The following LRGUK variants were observed in gnomAD, a reference collection of about 807,000 sequenced individuals.
LRGUK encodes the protein leucine rich repeats and guanylate kinase domain containing.
In LRGUK, 65 loss-of-function variants were observed where a neutral mutation model predicts 76.0. That is an observed-to-expected ratio of 0.85 (90% CI 0.70 to 1.05). The LOEUF (loss-of-function observed/expected upper bound fraction) is 1.05. LRGUK is among the 50% of genes least tolerant of loss of function. LRGUK has a pLI of 0.00. For synonymous variants in LRGUK, 268 were observed against 265.6 expected, an observed-to-expected ratio of 1.01 and a Z score of -0.09; for missense variants, 758 against 732.8, an observed-to-expected ratio of 1.03 and a Z score of -0.40.
chr7:134,148,098 T>C, intron 4 of LRGUK, 140 bp from the exon 5 acceptor site: 1 of 590,098 alleles, frequency 1.7e-6, no homozygotes, highest in East Asian at 3.2e-5. Context: ...GACAGATGAT[T>C]CTTTTAGCCT....
the LRGUK span, among the ~76,000 whole-genome samples, chr7:134,271,868 G>A: frequency 6.6e-6 from 1 of 151,984 alleles, no homozygotes; most frequent in Non-Finnish European, 1.5e-5. Flanking sequence ...TGTATAAAAT[G>A]CAATTCATTT....
intron 11 of LRGUK, among the ~76,000 whole-genome samples, chr7:134,188,409 G>A (rs1040254801): frequency 3.3e-5 from 5 of 152,126 alleles, no homozygotes; most frequent in Non-Finnish European, 7.4e-5. Flanking sequence ...GGGGAATGGC[G>A]TGATCACATT....
intron 2 of LRGUK, among the ~76,000 whole-genome samples, chr7:134,137,397 T>C (rs1306882135): frequency 6.6e-6 from 1 of 152,228 alleles, no homozygotes; most frequent in African/African-American, 2.4e-5. Context: ...TAGTAATCAA[T>C]GCTTTCTTTC....
chr7:134,191,226 A>G (rs1201533222), intron 11 of LRGUK, among the ~76,000 whole-genome samples: 2 of 152,164 alleles, frequency 1.3e-5, no homozygotes, highest in African/African-American at 4.8e-5. Flanking sequence ...GGATTTTTGG[A>G]GGGGTGACAT....
chr7:134,188,335 A>C (rs1341068008), intron 11 of LRGUK, among the ~76,000 whole-genome samples: 1 of 152,156 alleles, frequency 6.6e-6, no homozygotes, highest in Non-Finnish European at 1.5e-5. Flanking sequence ...ATCAAGGGAG[A>C]TGGCAGAAGA....
chr7:134,133,002 G>A (rs180904597), intron 1 of LRGUK, among the ~76,000 whole-genome samples: 28 of 152,306 alleles, frequency 1.8e-4, no homozygotes, highest in East Asian at 1.2e-3. Context: ...GATGAAGAAC[G>A]GGAGACCGTT....
chr7:134,201,881 G>A (rs911433012), intron 15 of LRGUK, among the ~76,000 whole-genome samples: 1 of 152,140 alleles, frequency 6.6e-6, no homozygotes, highest in Non-Finnish European at 1.5e-5. Flanking sequence ...GCCTTCCAGA[G>A]GTTTCATTCC....
intron 7 of LRGUK, among the ~76,000 whole-genome samples, chr7:134,168,030 A>G (rs753595380): frequency 9.2e-5 from 14 of 152,094 alleles, no homozygotes; most frequent in Non-Finnish European, 1.6e-4. Context: ...TTCACTTTTG[A>G]GCAATGCCTG....
downstream of LRGUK, among the ~76,000 whole-genome samples, chr7:134,265,668 C>T (rs966303956): frequency 1.7e-4 from 26 of 152,164 alleles, no homozygotes; most frequent in African/African-American, 6.3e-4. Flanking sequence ...CTGGCTGTAA[C>T]AAGGTTCTCC....
At chr7:134,216,468 T>C (rs868147442) in intron 15 of LRGUK, among the ~76,000 whole-genome samples, 65 of 152,294 alleles carry the variant, frequency 4.3e-4, no homozygotes, top group African/African-American at 1.5e-3. Flanking sequence ...ATAGGAGGCA[T>C]TGCAGTTTGG....
At chr7:134,199,592 AT>A (rs1438559638) in intron 14 of LRGUK, among the ~76,000 whole-genome samples, 171 bp downstream of exon 14, 20 of 152,150 alleles carry the variant, frequency 1.3e-4, no homozygotes, top group Non-Finnish European at 2.8e-4. Flanking sequence ...CACTGTTTTA[AT>A]GAGAGCATTG....
chr7:134,150,632 TC>T (rs1384159624), intron 5 of LRGUK, among the ~76,000 whole-genome samples: 1 of 152,118 alleles, frequency 6.6e-6, no homozygotes, highest in Non-Finnish European at 1.5e-5. Flanking sequence ...AGATCTCTTG[TC>T]CCCCAGAAAA....
intron 4 of LRGUK, among the ~76,000 whole-genome samples, chr7:134,144,263 G>A (rs1226610882): frequency 6.6e-6 from 1 of 152,176 alleles, no homozygotes; most frequent in Non-Finnish European, 1.5e-5. Context: ...CTCAGCCTGA[G>A]TAGCTGGGAC....
At chr7:134,165,866 C>CT (rs1362284104) in intron 7 of LRGUK, among the ~76,000 whole-genome samples, 30 of 151,980 alleles carry the variant, frequency 2.0e-4, no homozygotes, top group African/African-American at 6.0e-4. Flanking sequence ...ATTTGACAAA[C>CT]TTTAAAGAAA....
At chr7:134,172,215 AC>A (rs1420794595) in intron 7 of LRGUK, among the ~76,000 whole-genome samples, 3 of 152,176 alleles carry the variant, frequency 2.0e-5, no homozygotes, top group African/African-American at 7.2e-5. Context: ...CTGTACTGTT[AC>A]CCATTTAATT....
intron 6 of LRGUK, among the ~76,000 whole-genome samples, chr7:134,160,419 T>G (rs1798674957): frequency 6.6e-6 from 1 of 152,202 alleles, no homozygotes. Flanking sequence ...CTTAATTTTT[T>G]GATAATAGAA....
intron 5 of LRGUK, among the ~76,000 whole-genome samples, chr7:134,156,237 G>A (rs1268286242): frequency 4.6e-5 from 7 of 151,902 alleles, no homozygotes; most frequent in Non-Finnish European, 7.4e-5. Flanking sequence ...TCACTCTTTC[G>A]GAAATTGCCT....
intron 16 of LRGUK, among the ~76,000 whole-genome samples, chr7:134,240,000 AAGG>A: frequency 6.6e-6 from 1 of 152,320 alleles, no homozygotes; most frequent in African/African-American, 2.4e-5. Context: ...TGACTGTTAG[AAGG>A]AAAACTAACA....
chr7:134,182,644 C>T (rs185015744), intron 10 of LRGUK, among the ~76,000 whole-genome samples: 29 of 152,292 alleles, frequency 1.9e-4, no homozygotes, highest in African/African-American at 6.5e-4. Context: ...GAATCCACAC[C>T]TCAGCCATGT....
Sources: gnomAD v4.1 joint callset for allele counts (sites outside exome capture counted in the v4.1 genomes callset) on GRCh38, gnomAD v4.1.1 for gene constraint, MANE v1.5 for transcripts, NCBI Gene and HGNC (gene_info 2026-07-23, HGNC 2026-07-21) for gene names.